Variants in FYN observed in about 807,000 individuals in gnomAD.
The protein encoded by FYN is FYN proto-oncogene, Src family tyrosine kinase, also known as tyrosine-protein kinase Fyn.
In FYN, 10 loss-of-function variants were observed where a neutral mutation model predicts 70.2. The ratio of observed to expected loss-of-function variants is 0.14; its 90% CI spans 0.09 to 0.24. The LOEUF is 0.24. Among genes scored for constraint, FYN ranks in the 10% least tolerant of loss-of-function variants. The pLI is 1.00. For synonymous variants in FYN, 236 were observed against 248.6 expected (o/e 0.95, Z 0.48); for missense variants, 319 against 673.1 (o/e 0.47, Z 5.82).
At chr6:111,796,076 G>A (rs1427120887) in intron 2 of FYN, among the ~76,000 whole-genome samples, 1 of 152,118 alleles carries the variant, frequency 6.6e-6, no homozygotes, top group Non-Finnish European at 1.5e-5. Flanking sequence ...TTCAGTTGAA[G>A]AATCTGAATG....
chr6:111,761,261 A>G (rs1380387023), intron 3 of FYN, among the ~76,000 whole-genome samples: 1 of 152,208 alleles, frequency 6.6e-6, no homozygotes, highest in Non-Finnish European at 1.5e-5. Context: ...TGGACTAAGA[A>G]GTTAAGCCAC....
chr6:111,749,896 T>A (rs188165448), intron 3 of FYN, among the ~76,000 whole-genome samples: 111 of 152,242 alleles, frequency 7.3e-4, no homozygotes, highest in African/African-American at 2.6e-3. Flanking sequence ...AAAACTCGCT[T>A]ATGATGGAGA....
intron 3 of FYN, among the ~76,000 whole-genome samples, chr6:111,749,795 TAAATATATGTTCA>T (rs895792628): frequency 3.9e-5 from 6 of 152,174 alleles, no homozygotes; most frequent in South Asian, 2.1e-4. Flanking sequence ...ATATTTTAAA[TAAATATATGTTCA>T]AAATATATGT....
intron 2 of FYN, among the ~76,000 whole-genome samples, chr6:111,835,813 A>C (rs1280012214): frequency 6.6e-6 from 1 of 152,180 alleles, no homozygotes; most frequent in African/African-American, 2.4e-5. Context: ...AAAAGGAGAA[A>C]AAGGAGAAAA....
chr6:111,737,323 C>T (rs550197943), intron 3 of FYN, among the ~76,000 whole-genome samples: 1 of 152,254 alleles, frequency 6.6e-6, no homozygotes, highest in South Asian at 2.1e-4. Flanking sequence ...AAAACTGCTC[C>T]CCACTTAAGA....
intron 3 of FYN, among the ~76,000 whole-genome samples, chr6:111,756,605 C>T (rs2128491090): frequency 6.6e-6 from 1 of 152,196 alleles, no homozygotes; most frequent in African/African-American, 2.4e-5. Context: ...CCCAACAATG[C>T]ATAAAATATA....
Position 111,718,179 on chromosome 6 carries a change from C to T in FYN, c.247+1626G>A, listed in dbSNP as rs542169411. 3.3e-5 allele frequency among the ~76,000 whole-genome samples: 5 copies of T among 152,294 alleles called. No individual in the cohort carries two copies. In the South Asian group the frequency reaches 1.0e-3, roughly 32 times the overall value. On this transcript the variant is annotated intron_variant, in intron 4 of 13. Coordinates refer to ENST00000354650, the MANE Select transcript of FYN (RefSeq NM_002037.5). ...CTCTCCTTGCATCAGCTGACAAGTT[C>T]TCACTGAGGGCTTTTATGTTCCATG...
intron 3 of FYN, among the ~76,000 whole-genome samples, chr6:111,769,240 G>T (rs1803346098): frequency 6.6e-6 from 1 of 152,182 alleles, no homozygotes; most frequent in Non-Finnish European, 1.5e-5. Context: ...ATCTCCTCTA[G>T]CCTTCACTTA....
rs551799988 is a variant in FYN at position 111,709,243 on chromosome 6, GA to G, written c.345-1224del. Among the ~76,000 whole-genome samples the G allele has an allele frequency of 2.0e-4, 30 of 149,134 alleles. 1 individual carries two copies. The highest frequency in any genetic ancestry group is 6.0e-4 in the Admixed American group (9 of 14,996). On this transcript the variant is annotated intron_variant, in intron 5 of 13. Transcript: ENST00000354650. The stretch of plus-strand genomic sequence containing the variant: ...TCTGTGTCAAAGCTTTCAGCCAGGG[GA>G]AAAAAAAAATGTGTTAGCTTCTGGC...
intron 7 of FYN, 40 bp from the exon 8 acceptor site, chr6:111,703,074 G>A (rs1258771100): frequency 6.2e-7 from 1 of 1,600,312 alleles, no homozygotes; most frequent in East Asian, 2.2e-5. Flanking sequence ...CAATCATTTA[G>A]AGTATCAGCT....
chr6:111,724,469 C>T (rs774420325), intron 3 of FYN, among the ~76,000 whole-genome samples: 3 of 152,148 alleles, frequency 2.0e-5, no homozygotes, highest in Non-Finnish European at 4.4e-5. Context: ...ATTCATATTT[C>T]GTCATGTGCC....
At chr6:111,745,900 C>G (rs374149941) in intron 3 of FYN, among the ~76,000 whole-genome samples, 1 of 152,182 alleles carries the variant, frequency 6.6e-6, no homozygotes, top group Non-Finnish European at 1.5e-5. Flanking sequence ...TTCCCCTGTG[C>G]AACTTATACA....
chr6:111,749,969 C>T (rs897150610), intron 3 of FYN, among the ~76,000 whole-genome samples: 1 of 152,058 alleles, frequency 6.6e-6, no homozygotes, highest in African/African-American at 2.4e-5. Flanking sequence ...TGCATCCCCA[C>T]ATCTGTAGAA....
intron 2 of FYN, among the ~76,000 whole-genome samples, chr6:111,792,360 C>G (rs1771654433): frequency 6.6e-6 from 1 of 152,200 alleles, no homozygotes; most frequent in African/African-American, 2.4e-5. Flanking sequence ...GGTAAGGATA[C>G]AGAGCAACTG....
At chr6:111,806,631 G>A (rs1258683335) in intron 2 of FYN, among the ~76,000 whole-genome samples, 1 of 152,220 alleles carries the variant, frequency 6.6e-6, no homozygotes. Context: ...AGGAGATGGA[G>A]CTGCTGAATG....
rs1435172413 is a variant in FYN at position 111,872,959 on chromosome 6, CCTG to C, written c.-123+6_-123+8del. On this transcript the variant is annotated splice_donor_region_variant and intron_variant, in intron 1 of 13. Transcript: ENST00000354650. Reference sequence around the variant, plus strand: ...GGCCTCCCGCGACGCATCCCCGCCGCCTGCTTACCTGCGCGGCGCTGAGGCTCC... The same window carrying C: ...GGCCTCCCGCGACGCATCCCCGCCGCCTTACCTGCGCGGCGCTGAGGCTCC... 6.7e-6 allele frequency: 1 copy of C among 150,182 alleles called. No homozygotes were observed. The highest frequency in any genetic ancestry group is 2.4e-5 in the African/African-American group (1 of 41,148). The allele number at this position is 150,182 out of a possible 1,614,324, so 9.3% of individuals were successfully genotyped here.
At chr6:111,710,102 C>T (rs1800293462) in intron 5 of FYN, among the ~76,000 whole-genome samples, 1 of 152,124 alleles carries the variant, frequency 6.6e-6, no homozygotes, top group Non-Finnish European at 1.5e-5. Context: ...TAACAATACC[C>T]AGCTCCTCCC....
intron 13 of FYN, among the ~76,000 whole-genome samples, chr6:111,669,375 C>T (rs1798157275): frequency 7.7e-6 from 1 of 129,646 alleles, no homozygotes; most frequent in Non-Finnish European, 1.5e-5. Context: ...GCAGAGGTTG[C>T]AGTGAACCGA....
chr6:111,824,617 C>T (rs1328042802), intron 2 of FYN, among the ~76,000 whole-genome samples: 1 of 152,178 alleles, frequency 6.6e-6, no homozygotes. Flanking sequence ...TCTTTCTGTG[C>T]TCACTCTGTC....
Sources: allele counts gnomAD v4.1 joint callset (sites outside exome capture counted in the v4.1 genomes callset), GRCh38; gene constraint gnomAD v4.1.1; transcripts MANE v1.5; gene names NCBI Gene and HGNC (gene_info 2026-07-23, HGNC 2026-07-21).